RALGAPA2: variants seen among roughly 807,000 people sequenced by gnomAD.
RALGAPA2 encodes Ral GTPase activating protein catalytic subunit alpha 2, also known as ral GTPase-activating protein subunit alpha-2.
RALGAPA2 carries 139 observed loss-of-function variants against 230.4 expected under a neutral mutation model. The observed-to-expected ratio is 0.60, with a 90% CI of 0.53 to 0.69. The LOEUF (loss-of-function observed/expected upper bound fraction) is 0.69, where lower values mean the gene tolerates loss of function less well. Among genes scored for constraint, RALGAPA2 ranks in the 30% least tolerant of loss-of-function variants. RALGAPA2 has a pLI of 0.00. For missense variants in RALGAPA2, 2,163 were observed against 2,276.0 expected (o/e 0.95, Z 1.01); for synonymous variants, 847 against 837.8 (o/e 1.01, Z -0.19).
chr20:20,671,460 C>T (rs1218218090), intron 3 of RALGAPA2, among the ~76,000 whole-genome samples: 1 of 152,194 alleles, frequency 6.6e-6, no homozygotes, highest in Non-Finnish European at 1.5e-5. Flanking sequence ...CACTTCCAAA[C>T]CCTTATAAAC....
chr20:20,576,683 A>G (rs2064829174), intron 20 of RALGAPA2, among the ~76,000 whole-genome samples: 2 of 152,068 alleles, frequency 1.3e-5, no homozygotes, highest in African/African-American at 4.8e-5. Context: ...AACAGAAGTG[A>G]GTTTCTCTTT....
intron 24 of RALGAPA2, among the ~76,000 whole-genome samples, chr20:20,539,706 C>T (rs73290984): frequency 1.3e-5 from 2 of 152,042 alleles, no homozygotes; most frequent in African/African-American, 4.8e-5. Context: ...TGACATCTCC[C>T]GAACTCATTC....
intron 23 of RALGAPA2, among the ~76,000 whole-genome samples, chr20:20,552,571 T>C (rs1479022030): frequency 2.0e-5 from 3 of 152,194 alleles, no homozygotes; most frequent in East Asian, 3.8e-4. Flanking sequence ...CAAAAAGATA[T>C]GATTCATTCT....
intron 1 of RALGAPA2, among the ~76,000 whole-genome samples, chr20:20,688,429 A>G (rs1255553013): frequency 6.6e-6 from 1 of 152,236 alleles, no homozygotes; most frequent in African/African-American, 2.4e-5. Context: ...CTCCAGCCCC[A>G]GTGCTATCAT....
intron 23 of RALGAPA2, among the ~76,000 whole-genome samples, chr20:20,568,562 A>C (rs1482546676): frequency 6.6e-6 from 1 of 152,228 alleles, no homozygotes; most frequent in Non-Finnish European, 1.5e-5. Context: ...CTACTTTACA[A>C]ATTGTTTTTT....
chr20:20,707,258 A>C (rs2069644043), intron 1 of RALGAPA2, among the ~76,000 whole-genome samples: 4 of 152,256 alleles, frequency 2.6e-5, no homozygotes, highest in Admixed American at 2.6e-4. Flanking sequence ...CCAATGGAGC[A>C]ACACTTAGAA....
At chr20:20,479,005 G>A (rs1602492409) in intron 36 of RALGAPA2, among the ~76,000 whole-genome samples, 1 of 151,848 alleles carries the variant, frequency 6.6e-6, no homozygotes, top group African/African-American at 2.4e-5. Context: ...GAAAATATAC[G>A]TAGCTTTATG....
At chr20:20,597,131 G>A (rs146889685) in intron 16 of RALGAPA2, among the ~76,000 whole-genome samples, 1 of 152,180 alleles carries the variant, frequency 6.6e-6, no homozygotes, top group East Asian at 1.9e-4. Flanking sequence ...ACAAACTAGT[G>A]AAAAACTTAA....
chr20:20,695,240 T>TA (rs1205576123), intron 1 of RALGAPA2, among the ~76,000 whole-genome samples: 7 of 152,248 alleles, frequency 4.6e-5, no homozygotes, highest in African/African-American at 1.7e-4. Flanking sequence ...TAACAGCACA[T>TA]ACATGGTACA....
At chr20:20,607,791 G>A (rs1240232767) in intron 14 of RALGAPA2, among the ~76,000 whole-genome samples, 3 of 152,108 alleles carry the variant, frequency 2.0e-5, no homozygotes, top group South Asian at 4.1e-4. Flanking sequence ...TGAAACAAGC[G>A]CAGAATGACT....
intron 36 of RALGAPA2, among the ~76,000 whole-genome samples, chr20:20,488,313 G>C (rs970579862): frequency 7.2e-5 from 11 of 152,180 alleles, no homozygotes; most frequent in African/African-American, 2.7e-4. Flanking sequence ...CCTAGAGGTA[G>C]AACTCACAAA....
rs531642661 is a variant in RALGAPA2 at position 20,648,591 on chromosome 20, A to C, written c.328+4939T>G. ...AGGCGACCTGGAAGTGATTGGGTCA[A>C]AGATCAGGAGAATGGAGGATGTGGT... is the stretch of plus-strand genomic sequence containing the variant. On this transcript the variant is annotated intron_variant, in intron 4 of 39. Coordinates refer to ENST00000202677, the MANE Select transcript of RALGAPA2 (RefSeq NM_020343.4). Among the ~76,000 whole-genome samples the C allele has an allele frequency of 5.9e-5, 9 of 152,224 alleles. No individual in the cohort carries two copies. The South Asian group carries it at 1.9e-3, about 32-fold the overall frequency.
intron 37 of RALGAPA2, among the ~76,000 whole-genome samples, chr20:20,415,309 T>A (rs2060143806): frequency 6.6e-6 from 1 of 152,258 alleles, no homozygotes; most frequent in South Asian, 2.1e-4. Context: ...CAAAGACCTT[T>A]CACTGAAAGA....
chr20:20,624,899 T>C (rs1425239886), intron 10 of RALGAPA2, among the ~76,000 whole-genome samples: 1 of 152,176 alleles, frequency 6.6e-6, no homozygotes, highest in Non-Finnish European at 1.5e-5. Context: ...GAATGAAGAA[T>C]TAAGGATTCC....
chr20:20,700,644 A>G (rs2146981160), intron 1 of RALGAPA2, among the ~76,000 whole-genome samples: 1 of 152,338 alleles, frequency 6.6e-6, no homozygotes, highest in East Asian at 1.9e-4. Flanking sequence ...ACAGCTCTCC[A>G]GCATTACTGC....
intron 37 of RALGAPA2, among the ~76,000 whole-genome samples, chr20:20,460,276 T>C (rs2123273728): frequency 6.6e-6 from 1 of 152,318 alleles, no homozygotes; most frequent in Non-Finnish European, 1.5e-5. Flanking sequence ...CTTACAATAA[T>C]CTGTCTTGGA....
intron 37 of RALGAPA2, among the ~76,000 whole-genome samples, chr20:20,432,042 T>A (rs1167478927): frequency 6.6e-6 from 1 of 152,182 alleles, no homozygotes; most frequent in African/African-American, 2.4e-5. Flanking sequence ...TATATTTTGG[T>A]CATTAAAGTC....
chr20:20,600,103 T>A (rs1438295891), intron 16 of RALGAPA2, among the ~76,000 whole-genome samples: 1 of 151,808 alleles, frequency 6.6e-6, no homozygotes, highest in African/African-American at 2.4e-5. Flanking sequence ...GAGAACAGTC[T>A]GGCCAACATG....
intron 9 of RALGAPA2, among the ~76,000 whole-genome samples, chr20:20,632,967 T>A (rs1055165627): frequency 1.3e-5 from 2 of 152,058 alleles, no homozygotes; most frequent in African/African-American, 2.4e-5. Context: ...TTTTTTTTTT[T>A]AAATAAAGTC....
Sources: allele counts gnomAD v4.1 joint callset (sites outside exome capture counted in the v4.1 genomes callset), GRCh38; gene constraint gnomAD v4.1.1; transcripts MANE v1.5; gene names NCBI Gene and HGNC (gene_info 2026-07-23, HGNC 2026-07-21).